CD109: variants seen among roughly 807,000 people sequenced by gnomAD.
CD109 encodes CD109 molecule.
A neutral mutation model predicts 165.8 loss-of-function variants in CD109; 149 were observed. That is an observed-to-expected ratio of 0.90 (90% CI 0.79 to 1.03). The LOEUF is 1.03. CD109 is among the 50% of genes least tolerant of loss of function. The pLI is 0.00. For synonymous variants in CD109, 585 were observed against 592.1 expected (o/e 0.99, Z 0.18); for missense variants, 1,712 against 1,677.8 (o/e 1.02, Z -0.36).
In CD109 at chr6:73,823,605, T is replaced by C. The variant is rs1379660089; in HGVS notation, c.4310T>C (p.Leu1437Pro). ...GTCATTTTTATTTTCTGTTTCAAGC[T>C]TCTGTACTTTATGGAACTTTGGCTG... ...SSVIFIFCFK[L>P]LYFMELWL Residue 1437 changes from leucine (L) to proline (P), a missense_variant, in exon 33 of 33, where the codon CTT (leucine) becomes CCT (proline). By Grantham distance (98) the Leu-to-Pro change is moderately conservative. Coordinates refer to ENST00000287097, the MANE Select transcript of CD109 (RefSeq NM_133493.5). 1 of 1,612,628 alleles carries C rather than the reference T, an allele frequency of 6.2e-7. No individual in the cohort carries two copies.
chr6:73,780,016 G>GTT (rs34783798), intron 15 of CD109, among the ~76,000 whole-genome samples: 17 of 138,282 alleles, frequency 1.2e-4, no homozygotes, highest in Non-Finnish European at 1.9e-4. Context: ...TGCCTCTTCA[G>GTT]TTTTTTTTTT....
intron 2 of CD109, among the ~76,000 whole-genome samples, chr6:73,716,161 T>G (rs1195657921): frequency 6.6e-6 from 1 of 152,240 alleles, no homozygotes. Context: ...TACCACATTT[T>G]CTTTATCCAT....
At position 73,826,288 on chromosome 6, in the gene CD109, T is replaced by TA. The variant is rs1171534253; in HGVS notation, c.*2661dup. 1 of 152,190 alleles carries TA rather than the reference T, an allele frequency of 6.6e-6. No individual in the cohort carries two copies. Among genetic ancestry groups the TA allele is most frequent in the East Asian group, 1.9e-4 (1 of 5,202 alleles). 9.4% of individuals were successfully genotyped at this position (152,190 alleles called of 1,614,324 possible). A position where few individuals can be genotyped will look rare whatever the true frequency, so the allele number is the denominator to read the frequency against. On this transcript the variant is annotated 3_prime_UTR_variant, in exon 33 of 33. Transcript: ENST00000287097. ...CTTCACATGCTATGAGTAATAATAT[T>TA]AAAAAACTCATTTTACCATTAAGAT...
intron 18 of CD109, 72 bp downstream of exon 18, chr6:73,782,827 T>G: frequency 6.8e-7 from 1 of 1,467,542 alleles, no homozygotes; most frequent in Non-Finnish European, 9.4e-7. Flanking sequence ...TTTGCCCGCT[T>G]TCTAATGTTT....
At chr6:73,791,063 C>CT (rs1388445290) in intron 22 of CD109, among the ~76,000 whole-genome samples, 1 of 146,928 alleles carries the variant, frequency 6.8e-6, no homozygotes, top group Non-Finnish European at 1.5e-5. Context: ...AGATGTAATG[C>CT]TTTTTTATTA....
At chr6:73,745,427 C>T (rs1772946235) in intron 5 of CD109, among the ~76,000 whole-genome samples, 1 of 152,110 alleles carries the variant, frequency 6.6e-6, no homozygotes, top group Non-Finnish European at 1.5e-5. Context: ...TTTAATATGG[C>T]CTCCTTTTAA....
chr6:73,752,352 T>A (rs768300973), intron 5 of CD109, among the ~76,000 whole-genome samples: 6 of 152,238 alleles, frequency 3.9e-5, no homozygotes, highest in Non-Finnish European at 7.3e-5. Flanking sequence ...AATAGATGGT[T>A]GTAGTAATTC....
intron 5 of CD109, among the ~76,000 whole-genome samples, chr6:73,752,733 G>A (rs998359653): frequency 1.3e-5 from 2 of 152,126 alleles, no homozygotes; most frequent in East Asian, 1.9e-4. Flanking sequence ...CTCTTGCCTG[G>A]GGAGGTGTTT....
At position 73,746,613 on chromosome 6, in the gene CD109, G is replaced by A. The variant is rs1772992997; in HGVS notation, c.634-10030G>A. ...GTACTTTTTTTTTTTCAACACCAAGGAAACAAGTTTGTCCCTTGTACTGCA... is the reference window on the plus strand; with the variant it reads ...GTACTTTTTTTTTTTCAACACCAAGAAAACAAGTTTGTCCCTTGTACTGCA... On this transcript the variant is annotated intron_variant, in intron 5 of 32. Transcript: ENST00000287097. Among the ~76,000 whole-genome samples the A allele has an allele frequency of 2.6e-5, 4 of 152,054 alleles. No homozygotes were observed. The South Asian group carries it at 8.3e-4, about 32-fold the overall frequency.
chr6:73,753,170 A>C (rs1773258494), intron 5 of CD109, among the ~76,000 whole-genome samples: 1 of 152,204 alleles, frequency 6.6e-6, no homozygotes, highest in Admixed American at 6.5e-5. Flanking sequence ...CTACATTTGC[A>C]TTGCAACAGC....
chr6:73,805,675 G>C (rs1775535947), intron 24 of CD109, among the ~76,000 whole-genome samples: 1 of 152,188 alleles, frequency 6.6e-6, no homozygotes, highest in Non-Finnish European at 1.5e-5. Context: ...GGCTTTCCTA[G>C]GCAGAGGTCC....
chr6:73,705,280 G>C (rs1771224209), intron 2 of CD109, among the ~76,000 whole-genome samples: 1 of 152,164 alleles, frequency 6.6e-6, no homozygotes. Context: ...AGATGCACAA[G>C]AGAGACAGAG....
chr6:73,743,504 G>T (rs1417538872), intron 5 of CD109, among the ~76,000 whole-genome samples: 1 of 152,184 alleles, frequency 6.6e-6, no homozygotes, highest in African/African-American at 2.4e-5. Flanking sequence ...TAGATTAGGT[G>T]AGGGTTGCCA....
intron 22 of CD109, among the ~76,000 whole-genome samples, chr6:73,790,872 C>T (rs1774900583): frequency 6.6e-6 from 1 of 152,014 alleles, no homozygotes; most frequent in Non-Finnish European, 1.5e-5. Flanking sequence ...TTAATCTAGG[C>T]ACCCCTTGGC....
intron 5 of CD109, among the ~76,000 whole-genome samples, chr6:73,739,692 C>T (rs1166226611): frequency 8.6e-5 from 13 of 151,748 alleles, no homozygotes; most frequent in South Asian, 4.2e-4. Flanking sequence ...ACTAAAAATA[C>T]GAAAAATTAG....
chr6:73,798,110 G>GT (rs57382539), intron 23 of CD109, among the ~76,000 whole-genome samples: 74,689 of 142,330 alleles, frequency 0.52, 19,600 homozygotes, highest in East Asian at 0.77. Flanking sequence ...TCAGTGTCCT[G>GT]TTTTTTTTTT....
chr6:73,791,858 T>C (rs763444829), intron 22 of CD109, among the ~76,000 whole-genome samples: 3 of 152,160 alleles, frequency 2.0e-5, no homozygotes, highest in Non-Finnish European at 4.4e-5. Flanking sequence ...TTCATATTCA[T>C]TTTTTAGGAT....
chr6:73,682,268 G>A, the CD109 span, among the ~76,000 whole-genome samples: 1 of 152,162 alleles, frequency 6.6e-6, no homozygotes, highest in Non-Finnish European at 1.5e-5. Flanking sequence ...TACAATGGAG[G>A]TACAGGCATT....
intron 15 of CD109, among the ~76,000 whole-genome samples, chr6:73,772,015 C>T (rs1425111285): frequency 2.0e-5 from 3 of 152,140 alleles, no homozygotes; most frequent in Non-Finnish European, 4.4e-5. Context: ...ATCAATATAT[C>T]ACATTGTACT....
Sources: gnomAD v4.1 joint callset for allele counts (sites outside exome capture counted in the v4.1 genomes callset) on GRCh38, gnomAD v4.1.1 for gene constraint, MANE v1.5 for transcripts, NCBI Gene and HGNC (gene_info 2026-07-23, HGNC 2026-07-21) for gene names.